The following MBD5 variants were observed in gnomAD, a reference collection of about 807,000 sequenced individuals.
MBD5 encodes methyl-CpG-binding domain protein 5.
Under a neutral mutation model 117.3 loss-of-function variants are expected in MBD5, and 13 were observed. The ratio of observed to expected loss-of-function variants is 0.11; its 90% CI spans 0.07 to 0.18. The LOEUF (loss-of-function observed/expected upper bound fraction) is 0.18, where lower values mean the gene tolerates loss of function less well. Ranked by LOEUF, MBD5 falls within the 10% of genes least tolerant of loss-of-function variation. The pLI, the probability that MBD5 is intolerant of heterozygous loss-of-function variation, is 1.00. For synonymous variants in MBD5, 727 were observed against 766.4 expected (o/e 0.95, Z 0.85); for missense variants, 1,879 against 2,093.8 (o/e 0.90, Z 2.00).
intron 4 of MBD5, among the ~76,000 whole-genome samples, chr2:148,401,958 T>C (rs1482566927): frequency 1.3e-5 from 2 of 152,094 alleles, no homozygotes; most frequent in African/African-American, 2.4e-5. Flanking sequence ...TCTTCTAATA[T>C]TTTCTCCTTA....
chr2:148,375,377 G>A (rs1472521669), intron 4 of MBD5, among the ~76,000 whole-genome samples: 1 of 152,196 alleles, frequency 6.6e-6, no homozygotes, highest in African/African-American at 2.4e-5. Flanking sequence ...TGTCTAATCA[G>A]TAATGTTGTG....
chr2:148,349,516 A>G (rs1574320796), intron 4 of MBD5, among the ~76,000 whole-genome samples: 1 of 152,084 alleles, frequency 6.6e-6, no homozygotes, highest in East Asian at 1.9e-4. Flanking sequence ...ATGTTTTTAA[A>G]AAGTGGGTGT....
chr2:148,318,734 C>G (rs1438700141), intron 3 of MBD5, among the ~76,000 whole-genome samples: 1 of 152,044 alleles, frequency 6.6e-6, no homozygotes. Flanking sequence ...TTGGTTTCTT[C>G]TTGAGACAGA....
At chr2:148,298,757 C>T (rs1701713985) in intron 3 of MBD5, among the ~76,000 whole-genome samples, 1 of 152,168 alleles carries the variant, frequency 6.6e-6, no homozygotes, top group South Asian at 2.1e-4. Flanking sequence ...CCACTTTGTA[C>T]ACTGCATGTC....
rs202137982 is a variant in MBD5 at position 148,344,654 on chromosome 2, TG to T, written c.-557+2319del. ...GGTGTACAGAAATGCTACTGCTTTT[TG>T]TATACTGAAACTTTGCTGAAGTCAT... On this transcript the variant is annotated intron_variant, in intron 4 of 13. Coordinates refer to ENST00000642680, the MANE Select transcript of MBD5 (RefSeq NM_001378120.1). Among the ~76,000 whole-genome samples the T allele has an allele frequency of 5.8e-4, 89 of 152,156 alleles. No individual in the cohort carries two copies. In the East Asian group the frequency reaches 0.016, roughly 28 times the overall value.
chr2:148,034,193 TCAAAA>T (rs1694122290), intron 1 of MBD5, among the ~76,000 whole-genome samples: 1 of 152,164 alleles, frequency 6.6e-6, no homozygotes, highest in Middle Eastern at 3.2e-3. Flanking sequence ...AGACCCTGTC[TCAAAA>T]CAAAAGAATG....
intron 1 of MBD5, among the ~76,000 whole-genome samples, chr2:148,158,865 G>A (rs1697935057): frequency 1.3e-5 from 2 of 152,146 alleles, no homozygotes; most frequent in African/African-American, 4.8e-5. Context: ...CGCTACAGGC[G>A]CCCGCCACCA....
Position 148,318,829 on chromosome 2 carries a change from C to T in MBD5, c.-679-23385C>T, listed in dbSNP as rs945413115. Among the ~76,000 whole-genome samples, 9 of 152,124 alleles carry T rather than the reference C, an allele frequency of 5.9e-5. 1 individual carries two copies. Among genetic ancestry groups the T allele is most frequent in the Admixed American group, 5.9e-4 (9 of 15,270 alleles). The stretch of plus-strand genomic sequence containing the variant: ...CCTCCTGCGTTCAAGTGTTCTCATG[C>T]CTCAGCCACCCTAGTAGCTGGGATT... On this transcript the variant is annotated intron_variant, in intron 3 of 13. Coordinates refer to ENST00000642680, the MANE Select transcript of MBD5 (RefSeq NM_001378120.1).
chr2:148,046,089 T>G lies in MBD5; in HGVS notation c.-925+24405T>G, dbSNP rs1694522945. Among the ~76,000 whole-genome samples, 11 of 146,690 alleles carry G rather than the reference T, an allele frequency of 7.5e-5. No individual in the cohort carries two copies. In the South Asian group the frequency reaches 2.5e-3, roughly 33 times the overall value. ...ACCTCCGCCTCCCAGGTTCAAGTGATCCTCCTGCCTCAGCCCCTCGAGTAG... is the reference window on the plus strand; with the variant it reads ...ACCTCCGCCTCCCAGGTTCAAGTGAGCCTCCTGCCTCAGCCCCTCGAGTAG... On this transcript the variant is annotated intron_variant, in intron 1 of 13. Transcript: ENST00000642680.
At chr2:148,305,079 A>AT (rs1366130998) in intron 3 of MBD5, among the ~76,000 whole-genome samples, 25 of 145,890 alleles carry the variant, frequency 1.7e-4, no homozygotes, top group African/African-American at 6.7e-4. Context: ...AAAAAAAAAT[A>AT]AAATAAAATA....
At chr2:148,408,106 T>C (rs1461128272) in intron 4 of MBD5, among the ~76,000 whole-genome samples, 1 of 152,130 alleles carries the variant, frequency 6.6e-6, no homozygotes, top group Non-Finnish European at 1.5e-5. Context: ...AACATCCCAA[T>C]TGATGTTAAA....
At position 148,263,719 on chromosome 2, in the gene MBD5, A is replaced by G. The variant is rs73013015; in HGVS notation, c.-680+30324A>G. Among the ~76,000 whole-genome samples, 569 of 152,314 alleles carry G rather than the reference A, an allele frequency of 3.7e-3. 3 individuals carry two copies. Among genetic ancestry groups the G allele is most frequent in the African/African-American group, 0.013 (529 of 41,574 alleles). On this transcript the variant is annotated intron_variant, in intron 3 of 13. Transcript: ENST00000642680. Reference sequence around the variant, plus strand: ...GCTGCACAATTAAGGGAGAAGACAAAAGAATCTAATTATCTTTTACTATGC... The same window carrying G: ...GCTGCACAATTAAGGGAGAAGACAAGAGAATCTAATTATCTTTTACTATGC...
intron 1 of MBD5, among the ~76,000 whole-genome samples, chr2:148,093,403 G>A (rs749917581): frequency 1.8e-4 from 28 of 152,042 alleles, no homozygotes; most frequent in Non-Finnish European, 4.1e-4. Flanking sequence ...TTTTTTGAGG[G>A]TTATGTTTGA....
At chr2:148,050,803 G>T (rs1694678529) in intron 1 of MBD5, among the ~76,000 whole-genome samples, 1 of 152,084 alleles carries the variant, frequency 6.6e-6, no homozygotes, top group South Asian at 2.1e-4. Context: ...TTTGATTACT[G>T]TAGCTTTGTG....
chr2:148,249,245 T>C (rs1202996435), intron 3 of MBD5, among the ~76,000 whole-genome samples: 2 of 152,156 alleles, frequency 1.3e-5, no homozygotes, highest in African/African-American at 4.8e-5. Flanking sequence ...CAAGTTAGTA[T>C]AAAAAAGACA....
chr2:148,032,086 T>G (rs1694053801), intron 1 of MBD5, among the ~76,000 whole-genome samples: 2 of 152,160 alleles, frequency 1.3e-5, no homozygotes, highest in Non-Finnish European at 2.9e-5. Flanking sequence ...TGTATTTTTT[T>G]TAGCTAAAAT....
At chr2:148,391,720 T>G (rs1323736404) in intron 4 of MBD5, among the ~76,000 whole-genome samples, 1 of 152,172 alleles carries the variant, frequency 6.6e-6, no homozygotes, top group Non-Finnish European at 1.5e-5. Flanking sequence ...ATTTCAATTA[T>G]TCTGTATTTT....
At chr2:148,338,190 G>C (rs907843452) in intron 3 of MBD5, among the ~76,000 whole-genome samples, 4 of 152,120 alleles carry the variant, frequency 2.6e-5, no homozygotes, top group Non-Finnish European at 4.4e-5. Context: ...ACCTGAGATA[G>C]TTTTAAATGT....
In MBD5 at chr2:148,516,820, G is replaced by A. The variant is rs757100964; in HGVS notation, c.*3879G>A. 69 of 152,182 alleles carry A rather than the reference G, an allele frequency of 4.5e-4. No homozygotes were observed. Among genetic ancestry groups the A allele is most frequent in the African/African-American group, 1.4e-3 (57 of 41,508 alleles). The allele number at this position is 152,182 out of a possible 1,614,324, so 9.4% of individuals were successfully genotyped here. On this transcript the variant is annotated 3_prime_UTR_variant, in exon 14 of 14. Coordinates refer to ENST00000642680, the MANE Select transcript of MBD5 (RefSeq NM_001378120.1). ...GTACCTCAGTGACCTTTTATAAACC[G>A]GAAAAATGGTTGATTTAATAATTTG...
Sources: allele counts gnomAD v4.1 joint callset (sites outside exome capture counted in the v4.1 genomes callset), GRCh38; gene constraint gnomAD v4.1.1; transcripts MANE v1.5; gene names NCBI Gene and HGNC (gene_info 2026-07-23, HGNC 2026-07-21).